DYNAP: variants seen among roughly 807,000 people sequenced by gnomAD.
DYNAP encodes the protein dynactin associated protein, also known as dynactin-associated protein.
DYNAP carries 7 observed loss-of-function variants against 8.5 expected under a neutral mutation model. The observed-to-expected ratio is 0.82, with a 90% CI of 0.47 to 1.54. The LOEUF (loss-of-function observed/expected upper bound fraction) is 1.54. Among genes scored for constraint, DYNAP ranks in the 40% most tolerant of loss-of-function variants. DYNAP has a pLI of 0.01. For missense variants in DYNAP, 256 were observed against 224.3 expected (o/e 1.14, Z -0.90); for synonymous variants, 77 against 77.9 (o/e 0.99, Z 0.06).
At chr18:54,586,683 G>A (rs545440678), upstream of DYNAP, among the ~76,000 whole-genome samples, 429 of 152,252 alleles carry the variant, frequency 2.8e-3, 4 homozygotes, top group African/African-American at 9.9e-3. Flanking sequence ...CCACAGACAA[G>A]AAACGAATGG....
chr18:54,588,679 C>A (rs1910964712), upstream of DYNAP, among the ~76,000 whole-genome samples: 1 of 152,026 alleles, frequency 6.6e-6, no homozygotes, highest in South Asian at 2.1e-4. Context: ...AATTTTATTG[C>A]TTAAATACTG....
chr18:54,588,803 C>T (rs962563428), upstream of DYNAP, among the ~76,000 whole-genome samples: 1 of 152,188 alleles, frequency 6.6e-6, no homozygotes, highest in South Asian at 2.1e-4. Context: ...TATGAATTTA[C>T]AGAATGTTTC....
At chr18:54,578,185 C>G in the DYNAP span, among the ~76,000 whole-genome samples, 1 of 152,116 alleles carries the variant, frequency 6.6e-6, no homozygotes, top group Non-Finnish European at 1.5e-5. Flanking sequence ...AGAATCCTCT[C>G]ATGGACTGGC....
At chr18:54,581,943 A>G in the DYNAP span, among the ~76,000 whole-genome samples, 1 of 152,226 alleles carries the variant, frequency 6.6e-6, no homozygotes. Context: ...CTTTTAACTT[A>G]TATTTTATTA....
chr18:54,594,398 A>G (rs1040723685), intron 1 of DYNAP, among the ~76,000 whole-genome samples: 5 of 152,190 alleles, frequency 3.3e-5, no homozygotes, highest in Admixed American at 1.3e-4. Context: ...AGTATAGTAT[A>G]TACTACATTA....
At chr18:54,577,150 C>T in the DYNAP span, among the ~76,000 whole-genome samples, 1 of 152,060 alleles carries the variant, frequency 6.6e-6, no homozygotes, top group Non-Finnish European at 1.5e-5. Context: ...GAAATGCTTG[C>T]CTAAATCTCC....
the DYNAP span, among the ~76,000 whole-genome samples, chr18:54,576,801 CCAACAACAACAA>C: frequency 4.0e-3 from 604 of 149,688 alleles, 7 homozygotes; most frequent in African/African-American, 0.014. Flanking sequence ...AGATCTTATC[CCAACAACAACAA>C]CAACAACAAC....
the DYNAP span, among the ~76,000 whole-genome samples, chr18:54,576,541 G>A: frequency 6.6e-6 from 1 of 152,068 alleles, no homozygotes; most frequent in Non-Finnish European, 1.5e-5. Flanking sequence ...GCTCGCACCT[G>A]TAATCTCAAC....
chr18:54,579,406 C>A, the DYNAP span, among the ~76,000 whole-genome samples: 92 of 152,224 alleles, frequency 6.0e-4, 1 homozygote, highest in South Asian at 3.5e-3. Flanking sequence ...TCTTTGAAAA[C>A]CAGAAATTAA....
upstream of DYNAP, among the ~76,000 whole-genome samples, chr18:54,587,061 A>G (rs539065566): frequency 2.4e-4 from 37 of 152,296 alleles, no homozygotes; most frequent in Non-Finnish European, 4.3e-4. Flanking sequence ...TCCCTGCCAC[A>G]TGCATAGCCT....
chr18:54,597,050 C>T (rs1911323616), intron 2 of DYNAP, among the ~76,000 whole-genome samples: 1 of 152,088 alleles, frequency 6.6e-6, no homozygotes, highest in Non-Finnish European at 1.5e-5. Flanking sequence ...GAAGATCTTG[C>T]TTTCATCCAG....
chr18:54,589,364 CAT>C (rs1202399837), upstream of DYNAP, among the ~76,000 whole-genome samples: 1 of 152,024 alleles, frequency 6.6e-6, no homozygotes, highest in African/African-American at 2.4e-5. Context: ...GAGAGGTATC[CAT>C]GCTGTCTGTC....
rs558497486 is a variant in DYNAP, at chr18:54,592,215, C to T, written c.57+876C>T. 5.4e-5 allele frequency among the ~76,000 whole-genome samples: 8 copies of T among 148,128 alleles called. No individual in the cohort carries two copies. The East Asian group carries it at 1.5e-3, about 29-fold the overall frequency. On this transcript the variant is annotated intron_variant, in intron 1 of 2. Coordinates refer to ENST00000648945, the MANE Select transcript of DYNAP (RefSeq NM_173629.3). ...CCCTGGGCTGGTGTCTGGAAGTCTG[C>T]TTGGTCAGTTGCTCAGGCAGCACTG...
rs749039136 is a variant in DYNAP, at chr18:54,598,000, G to A, written c.410G>A (p.Gly137Glu). The A allele has an allele frequency of 6.2e-7, 1 of 1,613,406 alleles. No homozygotes were observed. The highest frequency in any genetic ancestry group is 8.5e-7 in the Non-Finnish European group (1 of 1,179,752). The change falls in exon 3 of 3, where the codon GGA becomes GAA. Residue 137 changes from glycine to glutamate, a missense_variant. By Grantham distance (98) the Gly-to-Glu change is moderately conservative. Coordinates refer to ENST00000648945, the MANE Select transcript of DYNAP (RefSeq NM_173629.3). ...NDGECVTVKP[G>E]TPSPACPPTM... is the part of the protein sequence containing the mutation. ...GGAGAGTGTGTGACTGTCAAACCTG[G>A]AACACCCTCTCCTGCTTGTCCACCT...
chr18:54,598,146 T>G lies in DYNAP; in HGVS notation c.*1T>G, dbSNP rs199676564. On this transcript the variant is annotated 3_prime_UTR_variant, in exon 3 of 3. Transcript: ENST00000648945. The stretch of plus-strand genomic sequence containing the variant: ...TGTTGCACCTACCGATCATTTATAA[T>G]TTGAACAGCCATAGCCATCACTTCA... 6.2e-7 allele frequency: 1 copy of G among 1,602,972 alleles called. No individual in the cohort carries two copies. Among genetic ancestry groups the G allele is most frequent in the Non-Finnish European group, 8.5e-7 (1 of 1,173,840 alleles).
upstream of DYNAP, among the ~76,000 whole-genome samples, chr18:54,583,135 G>A (rs1333977870): frequency 6.6e-6 from 1 of 152,112 alleles, no homozygotes; most frequent in East Asian, 1.9e-4. Context: ...TAAGCAGAAA[G>A]GAATATAGTT....
upstream of DYNAP, among the ~76,000 whole-genome samples, chr18:54,588,783 GA>G (rs536850400): frequency 1.6e-4 from 24 of 152,134 alleles, no homozygotes; most frequent in Non-Finnish European, 1.2e-4. Context: ...ATTGTGTTGT[GA>G]AAAAAATATA....
Position 54,597,801 on chromosome 18 carries a change from A to T in DYNAP, c.223-12A>T, listed in dbSNP as rs771041860. The T allele has an allele frequency of 3.2e-6, 5 of 1,582,758 alleles. No individual in the cohort carries two copies. The East Asian group carries it at 1.1e-4, about 36-fold the overall frequency. ...TGTTTTTCATTGCTGATATTTTTAT[A>T]TACATGCTTAGGTAAAAGAATATTG... is the stretch of plus-strand genomic sequence containing the variant. On this transcript the variant is annotated splice_polypyrimidine_tract_variant and intron_variant, in intron 2 of 2. Coordinates refer to ENST00000648945, the MANE Select transcript of DYNAP (RefSeq NM_173629.3).
chr18:54,595,058 C>G lies in DYNAP; in HGVS notation c.177C>G (p.Ile59Met). The change falls in exon 2 of 3, where the codon ATC becomes ATG. Residue 59 changes from isoleucine to methionine, a missense_variant. Physicochemically the swap from Ile to Met is conservative, Grantham distance 10. Coordinates refer to ENST00000648945, the MANE Select transcript of DYNAP (RefSeq NM_173629.3). ...CTGGGGTCTGCGTGAACCCAGGAAT[C>G]CTTGCACATTCAAGATGTCTACAGT... ...NLTGVCVNPG[I>M]LAHSRCLQSE... 6.2e-7 allele frequency: 1 copy of G among 1,612,624 alleles called. No homozygotes were observed. The highest frequency in any genetic ancestry group is 1.1e-5 in the South Asian group (1 of 90,970).
Sources: gnomAD v4.1 joint callset for allele counts (sites outside exome capture counted in the v4.1 genomes callset) on GRCh38, gnomAD v4.1.1 for gene constraint, MANE v1.5 for transcripts, NCBI Gene and HGNC (gene_info 2026-07-23, HGNC 2026-07-21) for gene names.